Variants in WNK1 observed in about 807,000 individuals in gnomAD.
WNK1 encodes the protein WNK lysine deficient protein kinase 1.
WNK1 carries 38 observed loss-of-function variants against 222.8 expected under a neutral mutation model. The observed-to-expected ratio is 0.17, with a 90% CI of 0.13 to 0.22. The LOEUF (loss-of-function observed/expected upper bound fraction) is 0.22, where lower values mean the gene tolerates loss of function less well. Among genes scored for constraint, WNK1 ranks in the 10% least tolerant of loss-of-function variants. The pLI is 1.00. For synonymous variants in WNK1, 1,090 were observed against 1,092.9 expected (o/e 1.00, Z 0.05); for missense variants, 2,348 against 2,918.4 (o/e 0.80, Z 4.50).
chr12:838,960 G>C (rs763339121), intron 4 of WNK1, among the ~76,000 whole-genome samples: 17 of 152,042 alleles, frequency 1.1e-4, no homozygotes, highest in Non-Finnish European at 2.1e-4. Flanking sequence ...CTAGATCCTA[G>C]ATATTGAATA....
intron 1 of WNK1, among the ~76,000 whole-genome samples, chr12:778,248 T>C (rs1943316989): frequency 6.6e-6 from 1 of 152,230 alleles, no homozygotes; most frequent in African/African-American, 2.4e-5. Flanking sequence ...GATGTTTTAG[T>C]TTTAAAAGGC....
At chr12:822,423 G>T (rs1313985009) in intron 2 of WNK1, among the ~76,000 whole-genome samples, 1 of 152,084 alleles carries the variant, frequency 6.6e-6, no homozygotes, top group Non-Finnish European at 1.5e-5. Context: ...AGACAGTCTT[G>T]TACTGTTTTT....
At chr12:809,244 T>TC (rs1946685413) in intron 1 of WNK1, among the ~76,000 whole-genome samples, 1 of 76,396 alleles carries the variant, frequency 1.3e-5, no homozygotes, top group Admixed American at 1.2e-4. Context: ...AAAAAAAAAA[T>TC]TTTTTTTTTT....
chr12:845,452 C>G lies in WNK1; in HGVS notation c.1312-11709C>G, dbSNP rs114853250. ...ATTAGTAACCAGTAAACCACTCTCC[C>G]CCTTCTGTAGATTTAGTACTAACTT... On this transcript the variant is annotated intron_variant, in intron 4 of 27. Transcript: ENST00000315939. 3.2e-3 allele frequency among the ~76,000 whole-genome samples: 493 copies of G among 152,220 alleles called. 3 individuals are homozygous for G. The highest frequency in any genetic ancestry group is 0.011 in the African/African-American group (460 of 41,524).
At chr12:904,410 G>A (rs1955528981) in intron 26 of WNK1, 1 of 1,284,420 alleles carries the variant, frequency 7.8e-7, no homozygotes, top group African/African-American at 1.5e-5. Context: ...TTACACTGAT[G>A]TTTCTTTATC....
In WNK1 at chr12:753,570, C is replaced by T. The variant is rs745504522; in HGVS notation, c.5C>T (p.Ser2Phe). 5 of 1,612,410 alleles carry T rather than the reference C, an allele frequency of 3.1e-6. No individual in the cohort carries two copies. The highest frequency in any genetic ancestry group is 4.5e-5 in the East Asian group (2 of 44,878). Residue 2 changes from serine (S) to phenylalanine (F), a missense_variant, in exon 1 of 28, where the codon TCT becomes TTT. Around this residue, in one of 13 missense-constraint regions of WNK1, gnomAD observed 108 missense variants for 109.7 expected, o/e 0.98. Coordinates refer to ENST00000315939, the MANE Select transcript of WNK1 (RefSeq NM_018979.4). This position sits in a 1 kb window ranked among gnomAD's most constrained non-coding sequence, Gnocchi z 5.2. M[S>F]GGAAEKQSST... The stretch of plus-strand genomic sequence containing the variant: ...CCTCTCTCCAGCGAACCGACCATGT[C>T]TGGCGGCGCCGCAGAGAAGCAGAGC...
intron 1 of WNK1, among the ~76,000 whole-genome samples, chr12:773,739 G>T (rs1942802159): frequency 6.6e-6 from 1 of 152,062 alleles, no homozygotes; most frequent in African/African-American, 2.4e-5. Context: ...GTTTCAGTGG[G>T]ATCATAGGTG....
rs566651604 is a variant in WNK1, at chr12:765,122, G to A, written c.759+10798G>A. Among the ~76,000 whole-genome samples the A allele has an allele frequency of 2.7e-5, 4 of 148,278 alleles. 1 individual carries two copies. The highest frequency in any genetic ancestry group is 2.2e-4 in the South Asian group (1 of 4,542). The stretch of plus-strand genomic sequence containing the variant: ...TGGGAGTACAGGTGTGAGCCACTGC[G>A]TCCAGCCTTTATGTGGCTATTTAAA... On this transcript the variant is annotated intron_variant, in intron 1 of 27. Transcript: ENST00000315939.
chr12:897,643 G>A lies in WNK1; in HGVS notation c.6410G>A (p.Arg2137Gln), dbSNP rs746647121. Reference protein sequence around the residue: ...PTKSKGSKSSRSSSLGNKSPQ... With the variant: ...PTKSKGSKSSQSSSLGNKSPQ... ...AAAAGCAAAGGCAGCAAATCTAGTC[G>A]AAGCAGTTCCTTGGGGAATAAAAGC... Residue 2137 changes from arginine (R) to glutamine (Q), a missense_variant, in exon 25 of 28, where the codon CGA becomes CAA. Physicochemically the swap from Arg to Gln is conservative, Grantham distance 43. This residue lies in a region of WNK1 where 1,144 missense variants were observed against 1,273.6 expected (regional missense o/e 0.90). Coordinates refer to ENST00000315939, the MANE Select transcript of WNK1 (RefSeq NM_018979.4). 6 of 1,614,088 alleles carry A rather than the reference G, an allele frequency of 3.7e-6. No individual in the cohort carries two copies. Among genetic ancestry groups the A allele is most frequent in the Non-Finnish European group, 4.2e-6 (5 of 1,180,046 alleles).
Position 908,243 on chromosome 12 carries a change from C to T in WNK1, c.6831+209C>T, listed in dbSNP as rs373380653. On this transcript the variant is annotated intron_variant, in intron 27 of 27. Coordinates refer to ENST00000315939, the MANE Select transcript of WNK1 (RefSeq NM_018979.4). ...TTGGTCAGCTCAACTTTTTCTTCTT[C>T]GTTTTTCCTTCGTCATCCTCAACTA... The T allele has an allele frequency of 1.7e-4, 135 of 787,214 alleles. 2 individuals are homozygous for T. The highest frequency in any genetic ancestry group is 1.7e-3 in the African/African-American group (99 of 57,734). The allele number at this position is 787,214 out of a possible 1,614,324, so 48.8% of individuals were successfully genotyped here.
chr12:862,569 T>C (rs575529931), intron 8 of WNK1, among the ~76,000 whole-genome samples: 1 of 152,342 alleles, frequency 6.6e-6, no homozygotes, highest in South Asian at 2.1e-4. Flanking sequence ...AAGCTGGACA[T>C]ACAAATGTTT....
rs778958438 is a variant in WNK1, at chr12:862,093, G to A, written c.1962G>A (p.Thr654=). The A allele has an allele frequency of 3.7e-6, 6 of 1,613,682 alleles. No individual in the cohort carries two copies. The highest frequency in any genetic ancestry group is 1.1e-5 in the South Asian group (1 of 91,054). The part of the protein sequence containing the change: ...QPSISVLSDG[T]VDSGQGSSVF... ...TCATTTTTCCTTCAGCTGATGGGAC[G>A]GTTGACAGTGGTCAGGGATCCTCTG... The change falls in exon 8 of 28, where the codon ACG becomes ACA. Residue 654 remains threonine, a synonymous_variant. Transcript: ENST00000315939.
intron 23 of WNK1, among the ~76,000 whole-genome samples, 194 bp downstream of exon 23, chr12:894,829 G>T (rs1487242817): frequency 1.3e-5 from 2 of 152,140 alleles, no homozygotes; most frequent in African/African-American, 4.8e-5. Context: ...ACTTAGAACA[G>T]TAGAGACACG....
intron 4 of WNK1, chr12:851,350 A>G (rs1416396357): frequency 1.3e-5 from 14 of 1,047,290 alleles, no homozygotes; most frequent in African/African-American, 5.0e-5. Flanking sequence ...TGATAGGTCC[A>G]GGAGATAGAA....
chr12:758,690 G>T (rs1248569257), intron 1 of WNK1, among the ~76,000 whole-genome samples: 4 of 146,868 alleles, frequency 2.7e-5, no homozygotes, highest in African/African-American at 9.8e-5. Context: ...TTTTAAATTT[G>T]TGCCACATTC....
chr12:787,603 C>T (rs925381110), intron 1 of WNK1, among the ~76,000 whole-genome samples: 2 of 152,070 alleles, frequency 1.3e-5, no homozygotes, highest in African/African-American at 4.8e-5. Context: ...GGTTCTTAAC[C>T]TATATTAGCT....
intron 2 of WNK1, among the ~76,000 whole-genome samples, chr12:818,163 CAG>C (rs752286624): frequency 2.0e-5 from 3 of 152,314 alleles, no homozygotes; most frequent in East Asian, 3.9e-4. Flanking sequence ...GCCCATTAAG[CAG>C]TTACTCTGCA....
At position 760,657 on chromosome 12, in the gene WNK1, C is replaced by G. The variant is rs747513766; in HGVS notation, c.759+6333C>G. ...GTCAACTTAATTTCTCAAATCTTAACAGGGGAGCTTTTCAGTTTGAAGAAA... is the reference window on the plus strand; with the variant it reads ...GTCAACTTAATTTCTCAAATCTTAAGAGGGGAGCTTTTCAGTTTGAAGAAA... On this transcript the variant is annotated intron_variant, in intron 1 of 27. Coordinates refer to ENST00000315939, the MANE Select transcript of WNK1 (RefSeq NM_018979.4). 2.2e-4 allele frequency among the ~76,000 whole-genome samples: 32 copies of G among 147,750 alleles called. 1 individual carries two copies. Among genetic ancestry groups the G allele is most frequent in the African/African-American group, 7.5e-4 (31 of 41,078 alleles).
chr12:779,883 C>G (rs571021200), intron 1 of WNK1, among the ~76,000 whole-genome samples: 9 of 152,094 alleles, frequency 5.9e-5, no homozygotes, highest in African/African-American at 2.2e-4. Flanking sequence ...TTTCTCTTGC[C>G]TGCATTTTTT....
Sources: gnomAD v4.1 joint callset for allele counts (sites outside exome capture counted in the v4.1 genomes callset) on GRCh38, gnomAD v4.1.1 for gene constraint, gnomAD v4.1.1 regional missense constraint, Gnocchi (gnomAD v3.1) non-coding constraint, MANE v1.5 for transcripts, NCBI Gene and HGNC (gene_info 2026-07-23, HGNC 2026-07-21) for gene names.